The following ADCY8 variants were observed in gnomAD, a reference collection of about 807,000 sequenced individuals.
ADCY8 encodes the protein adenylate cyclase 8.
ADCY8 carries 51 observed loss-of-function variants against 119.7 expected under a neutral mutation model. That is an observed-to-expected ratio of 0.43 (90% confidence interval 0.34 to 0.54). The LOEUF (loss-of-function observed/expected upper bound fraction) is 0.54, where lower values mean the gene tolerates loss of function less well. ADCY8 is among the 20% of genes least tolerant of loss of function. The probability of loss-of-function intolerance (pLI) is 0.03; values close to 1 mark genes in which losing one functional copy is unlikely to be tolerated. For missense variants in ADCY8, 1,383 were observed against 1,598.8 expected (o/e 0.87, Z 2.30); for synonymous variants, 665 against 651.0 (o/e 1.02, Z -0.33).
At chr8:130,846,519 C>T (rs1586473882) in intron 11 of ADCY8, among the ~76,000 whole-genome samples, 1 of 140,404 alleles carries the variant, frequency 7.1e-6, no homozygotes, top group African/African-American at 2.8e-5. Context: ...TCCCTCTCTC[C>T]CTCCCTCCCT....
intron 1 of ADCY8, among the ~76,000 whole-genome samples, chr8:131,037,218 C>A (rs1824184358): frequency 6.6e-6 from 1 of 152,052 alleles, no homozygotes; most frequent in South Asian, 2.1e-4. Flanking sequence ...GTAATTCTTA[C>A]CCAAACAAAA....
At chr8:130,877,594 A>T (rs1286183145) in intron 8 of ADCY8, among the ~76,000 whole-genome samples, 1 of 152,236 alleles carries the variant, frequency 6.6e-6, no homozygotes, top group African/African-American at 2.4e-5. Context: ...CCATGCGTGA[A>T]ATATCTAATC....
At chr8:130,987,192 A>G (rs1822427342) in intron 2 of ADCY8, among the ~76,000 whole-genome samples, 1 of 152,086 alleles carries the variant, frequency 6.6e-6, no homozygotes, top group Non-Finnish European at 1.5e-5. Flanking sequence ...TTTGCTCTTT[A>G]TGGTGTACCC....
intron 5 of ADCY8, among the ~76,000 whole-genome samples, chr8:130,923,524 G>A (rs1336847578): frequency 6.6e-6 from 1 of 152,120 alleles, no homozygotes; most frequent in East Asian, 1.9e-4. Flanking sequence ...TTTAGCAATT[G>A]CACTGAAAAG....
intron 11 of ADCY8, 23 bp from the exon 12 acceptor site, chr8:130,836,472 G>T: frequency 6.2e-7 from 1 of 1,608,754 alleles, no homozygotes; most frequent in East Asian, 2.2e-5. Context: ...AATGCAGGTG[G>T]TCAGATTCAA....
At chr8:130,874,235 G>C (rs1447953515) in intron 8 of ADCY8, among the ~76,000 whole-genome samples, 1 of 151,976 alleles carries the variant, frequency 6.6e-6, no homozygotes, top group Non-Finnish European at 1.5e-5. Context: ...TTGAACCCAG[G>C]AGGTGGAGGT....
rs116724174 is a variant in ADCY8 at position 130,937,344 on chromosome 8, T to C, written c.1354-144A>G. 3.8e-4 allele frequency: 317 copies of C among 835,580 alleles called. 1 individual carries two copies. In the African/African-American group the frequency reaches 4.7e-3, roughly 12 times the overall value. 51.8% of individuals were successfully genotyped at this position (835,580 alleles called of 1,614,324 possible). On this transcript the variant is annotated intron_variant, in intron 4 of 17. Coordinates refer to ENST00000286355, the MANE Select transcript of ADCY8 (RefSeq NM_001115.3). The stretch of plus-strand genomic sequence containing the variant: ...TACCTTTGAAATATACTTCTACCTG[T>C]CTTTCTAAAATATTTGAGGTGTAAC...
intron 5 of ADCY8, among the ~76,000 whole-genome samples, chr8:130,919,137 T>C (rs527420315): frequency 1.3e-5 from 2 of 152,344 alleles, no homozygotes; most frequent in South Asian, 4.1e-4. Flanking sequence ...TCTGTGGGAC[T>C]GGTCAGTATC....
intron 8 of ADCY8, among the ~76,000 whole-genome samples, chr8:130,872,188 A>C (rs1224674973): frequency 6.6e-6 from 1 of 152,234 alleles, no homozygotes; most frequent in East Asian, 1.9e-4. Flanking sequence ...ATCTAGGATA[A>C]GGAATTTGAA....
At chr8:130,871,592 C>G (rs188640648) in intron 8 of ADCY8, among the ~76,000 whole-genome samples, 1 of 152,168 alleles carries the variant, frequency 6.6e-6, no homozygotes, top group African/African-American at 2.4e-5. Flanking sequence ...TATTTTATTT[C>G]TATACTTTCT....
chr8:130,830,495 A>T (rs566702620), intron 12 of ADCY8, among the ~76,000 whole-genome samples: 1 of 152,226 alleles, frequency 6.6e-6, no homozygotes, highest in East Asian at 1.9e-4. Context: ...GTCCCTGATC[A>T]TTCTTTCCTC....
At chr8:131,013,199 C>T (rs1823365073) in intron 1 of ADCY8, among the ~76,000 whole-genome samples, 2 of 152,166 alleles carry the variant, frequency 1.3e-5, no homozygotes, top group South Asian at 4.1e-4. Flanking sequence ...CCCAATGGGA[C>T]ATCCTGTGGA....
At chr8:130,824,383 A>C (rs1215348935) in intron 12 of ADCY8, among the ~76,000 whole-genome samples, 1 of 152,208 alleles carries the variant, frequency 6.6e-6, no homozygotes, top group Non-Finnish European at 1.5e-5. Flanking sequence ...TTGTTAAAAA[A>C]TTTAACTTAA....
intron 12 of ADCY8, among the ~76,000 whole-genome samples, chr8:130,833,303 G>T (rs1020789498): frequency 2.0e-5 from 3 of 152,058 alleles, no homozygotes; most frequent in Non-Finnish European, 2.9e-5. Flanking sequence ...ACTTTTCTTA[G>T]CCTTTGTTCT....
rs373225005 is a variant in ADCY8, at chr8:130,951,970, C to T, written c.1139G>A (p.Arg380Gln). 2.4e-5 allele frequency: 39 copies of T among 1,613,508 alleles called. No homozygotes were observed. The highest frequency in any genetic ancestry group is 6.6e-5 in the South Asian group (6 of 91,052). The change falls in exon 3 of 18, where the codon CGG becomes CAG. Residue 380 changes from arginine (R) to glutamine (Q), a missense_variant. Transcript: ENST00000286355. ...GTTGATCATTTCCAGGACAACAAAC[C>T]GGGGGAGCACAGAAAGCACGAGCCG... ...QERLVLSVLPRFVVLEMINDM... is the reference protein window; with the variant it reads ...QERLVLSVLPQFVVLEMINDM...
chr8:130,816,723 C>T (rs1816359070), intron 13 of ADCY8, among the ~76,000 whole-genome samples: 1 of 152,000 alleles, frequency 6.6e-6, no homozygotes, highest in Admixed American at 6.6e-5. Context: ...CTGTGACTGG[C>T]CTTCTTAATT....
chr8:130,996,118 A>T (rs1385632030), intron 1 of ADCY8, among the ~76,000 whole-genome samples: 1 of 152,150 alleles, frequency 6.6e-6, no homozygotes, highest in Non-Finnish European at 1.5e-5. Context: ...ACTATTCTTA[A>T]GCAATACTAA....
At chr8:130,917,018 C>T (rs528799841) in intron 5 of ADCY8, among the ~76,000 whole-genome samples, 1 of 152,290 alleles carries the variant, frequency 6.6e-6, no homozygotes, top group East Asian at 1.9e-4. Flanking sequence ...TGTGATTTCA[C>T]AAAGTGCTTC....
chr8:131,038,644 T>G (rs1824244133), intron 1 of ADCY8, among the ~76,000 whole-genome samples: 1 of 152,116 alleles, frequency 6.6e-6, no homozygotes, highest in Non-Finnish European at 1.5e-5. Flanking sequence ...AATATAATAT[T>G]TAAAGCATCT....
Sources: gnomAD v4.1 joint callset for allele counts (sites outside exome capture counted in the v4.1 genomes callset) on GRCh38, gnomAD v4.1.1 for gene constraint, MANE v1.5 for transcripts, NCBI Gene and HGNC (gene_info 2026-07-23, HGNC 2026-07-21) for gene names.